Variants in MEF2C observed in about 807,000 individuals in gnomAD.
MEF2C encodes the protein myocyte enhancer factor 2C.
In MEF2C, 6 loss-of-function variants were observed where a neutral mutation model predicts 50.5. That is an observed-to-expected ratio of 0.12 (90% CI 0.07 to 0.23). The LOEUF is 0.23. Among genes scored for constraint, MEF2C ranks in the 10% least tolerant of loss-of-function variants. The pLI, the probability that MEF2C is intolerant of heterozygous loss-of-function variation, is 1.00. For missense variants in MEF2C, 276 were observed against 605.0 expected (o/e 0.46, Z 5.70); for synonymous variants, 183 against 228.0 (o/e 0.80, Z 1.78).
intron 1 of MEF2C, among the ~76,000 whole-genome samples, chr5:88,831,280 A>G (rs188225856): frequency 2.6e-5 from 4 of 152,186 alleles, no homozygotes; most frequent in Non-Finnish European, 4.4e-5. Context: ...AAATAAAACA[A>G]TAAGAGTACA....
intron 3 of MEF2C, among the ~76,000 whole-genome samples, chr5:88,799,362 G>C (rs996430245): frequency 6.6e-6 from 1 of 152,230 alleles, no homozygotes; most frequent in African/African-American, 2.4e-5. Context: ...GGAATCTAGA[G>C]AGGCAGTCTG....
At chr5:88,727,787 T>C (rs1432918012) in intron 10 of MEF2C, among the ~76,000 whole-genome samples, 1 of 135,992 alleles carries the variant, frequency 7.4e-6, no homozygotes, top group Non-Finnish European at 1.7e-5. Context: ...AAATGATTTG[T>C]TTTATATGAA....
At chr5:88,752,797 G>A in intron 4 of MEF2C, 1 of 983,556 alleles carries the variant, frequency 1.0e-6, no homozygotes. Flanking sequence ...TGATTTTTGA[G>A]TAATTATTTT....
chr5:88,764,356 G>C (rs549566454), intron 3 of MEF2C, among the ~76,000 whole-genome samples: 1 of 152,296 alleles, frequency 6.6e-6, no homozygotes, highest in South Asian at 2.1e-4. Context: ...CAAGCATGAT[G>C]GTCCAAGGTC....
intron 1 of MEF2C, among the ~76,000 whole-genome samples, chr5:88,859,645 C>T (rs1376805639): frequency 6.6e-6 from 1 of 152,126 alleles, no homozygotes; most frequent in Non-Finnish European, 1.5e-5. Context: ...TAAAAGAAGC[C>T]AATAATTTGA....
At chr5:88,895,520 G>A (rs992675876) in intron 1 of MEF2C, among the ~76,000 whole-genome samples, 6 of 152,150 alleles carry the variant, frequency 3.9e-5, no homozygotes, top group African/African-American at 1.4e-4. Flanking sequence ...AGGGAACTGA[G>A]CATAAATATG....
At chr5:88,818,299 G>A (rs191828532) in intron 2 of MEF2C, among the ~76,000 whole-genome samples, 1 of 152,020 alleles carries the variant, frequency 6.6e-6, no homozygotes, top group East Asian at 1.9e-4. Flanking sequence ...AAACCAGTTT[G>A]TTGTTGAACT....
At chr5:88,819,413 G>T in intron 2 of MEF2C, 1 of 982,404 alleles carries the variant, frequency 1.0e-6, no homozygotes, top group Non-Finnish European at 1.2e-6. Context: ...TCTGGGTCCT[G>T]TCTAACATCC....
intron 2 of MEF2C, among the ~76,000 whole-genome samples, chr5:88,823,374 G>T (rs1809353138): frequency 1.3e-5 from 2 of 151,780 alleles, no homozygotes; most frequent in Admixed American, 6.6e-5. Flanking sequence ...ACCACAAAAG[G>T]TCTAGTTCCC....
At chr5:88,724,553 A>G (rs1215396252) in intron 10 of MEF2C, among the ~76,000 whole-genome samples, 2 of 152,150 alleles carry the variant, frequency 1.3e-5, no homozygotes. Flanking sequence ...GTTAGCATTT[A>G]TATCAAGAAA....
chr5:88,882,103 G>GT (rs2150110934), intron 1 of MEF2C, among the ~76,000 whole-genome samples: 1 of 152,232 alleles, frequency 6.6e-6, no homozygotes, highest in South Asian at 2.1e-4. Context: ...GGGAAGGAAG[G>GT]TAACATTAGC....
rs553216678 is a variant in MEF2C at position 88,722,488 on chromosome 5, C to CT, written c.*115dup. On this transcript the variant is annotated 3_prime_UTR_variant, in exon 11 of 11. Transcript: ENST00000504921. ...TACTTTTACAAAACAGAGTACCTGA[C>CT]TTTTTTTTTTTCCACACACGGCACA... 0.039 allele frequency: 26,375 copies of CT among 681,416 alleles called. No individual in the cohort carries two copies. The highest frequency in any genetic ancestry group is 0.05 in the South Asian group (2,159 of 43,018). 42.2% of individuals were successfully genotyped at this position (681,416 alleles called of 1,614,324 possible).
intron 1 of MEF2C, among the ~76,000 whole-genome samples, chr5:88,851,138 C>A (rs1445817591): frequency 6.8e-6 from 1 of 147,726 alleles, no homozygotes; most frequent in Non-Finnish European, 1.5e-5. Context: ...GAAGCTGAGG[C>A]AGAAGAATCA....
chr5:88,885,994 A>G (rs1425860784), upstream of MEF2C, among the ~76,000 whole-genome samples: 1 of 152,218 alleles, frequency 6.6e-6, no homozygotes, highest in Non-Finnish European at 1.5e-5. Context: ...ATTATTAATG[A>G]TACTGCAAGC....
chr5:88,809,650 C>T (rs945411033), intron 2 of MEF2C, among the ~76,000 whole-genome samples: 1 of 151,912 alleles, frequency 6.6e-6, no homozygotes, highest in Non-Finnish European at 1.5e-5. Flanking sequence ...TGGGTGAATT[C>T]AGTTTTTTTT....
In MEF2C at chr5:88,761,326, C is replaced by A. The variant is rs777529202; in HGVS notation, c.261G>T (p.Thr87=). The change falls in exon 4 of 11, where the codon ACG becomes ACT. Residue 87 remains threonine (T), a splice_region_variant and synonymous_variant. Coordinates refer to ENST00000504921, the MANE Select transcript of MEF2C (RefSeq NM_002397.5). Reference sequence around the variant, plus strand: ...AGCCATTAAGGCCCTTCTTTCTCAACGTCTGAAATACATAATTTGGAAAGT... The same window carrying A: ...AGCCATTAAGGCCCTTCTTTCTCAAAGTCTGAAATACATAATTTGGAAAGT... ...ESRTNSDIVE[T]LRKKGLNGCD... 1 of 1,610,424 alleles carries A rather than the reference C, an allele frequency of 6.2e-7. No homozygotes were observed. The highest frequency in any genetic ancestry group is 8.5e-7 in the Non-Finnish European group (1 of 1,178,376).
At position 88,720,969 on chromosome 5, in the gene MEF2C, G is replaced by A. The variant is rs1756146327; in HGVS notation, c.*1635C>T. 1 of 152,550 alleles carries A rather than the reference G, an allele frequency of 6.6e-6. No homozygotes were observed. Among genetic ancestry groups the A allele is most frequent in the Non-Finnish European group, 1.5e-5 (1 of 68,006 alleles). The allele number at this position is 152,550 out of a possible 1,614,324, so 9.4% of individuals were successfully genotyped here. On this transcript the variant is annotated 3_prime_UTR_variant, in exon 11 of 11. Transcript: ENST00000504921. The stretch of plus-strand genomic sequence containing the variant: ...CCTATATTGCTGACAAGATTGTCAA[G>A]GGTCAGTTAAAATAATTAAAAACGG...
chr5:88,767,517 A>G (rs1780569275), intron 3 of MEF2C, among the ~76,000 whole-genome samples: 1 of 152,232 alleles, frequency 6.6e-6, no homozygotes, highest in African/African-American at 2.4e-5. Context: ...TTTAACAAAA[A>G]TTATTCACTT....
intron 1 of MEF2C, among the ~76,000 whole-genome samples, chr5:88,859,613 T>C (rs1027540521): frequency 3.9e-5 from 6 of 152,228 alleles, no homozygotes; most frequent in Non-Finnish European, 8.8e-5. Context: ...CAGAATGTTA[T>C]ATAACTGCTA....
Sources: gnomAD v4.1 joint callset for allele counts (sites outside exome capture counted in the v4.1 genomes callset) on GRCh38, gnomAD v4.1.1 for gene constraint, MANE v1.5 for transcripts, NCBI Gene and HGNC (gene_info 2026-07-23, HGNC 2026-07-21) for gene names.